The following AGBL4 variants were observed in gnomAD, a reference collection of about 807,000 sequenced individuals.
The protein encoded by AGBL4 is cytosolic carboxypeptidase 6.
In AGBL4, 58 loss-of-function variants were observed where a neutral mutation model predicts 66.4. That is an observed-to-expected ratio of 0.87 (90% CI 0.71 to 1.09). The LOEUF (loss-of-function observed/expected upper bound fraction) is 1.09, where lower values mean the gene tolerates loss of function less well. AGBL4 is among the 50% of genes least tolerant of loss of function. The pLI is 0.00. For missense variants in AGBL4, 579 were observed against 631.0 expected (o/e 0.92, Z 0.88); for synonymous variants, 234 against 222.9 (o/e 1.05, Z -0.44).
intron 3 of AGBL4, among the ~76,000 whole-genome samples, chr1:49,327,806 C>T (rs865868322): frequency 3.3e-5 from 5 of 152,134 alleles, no homozygotes; most frequent in Admixed American, 2.0e-4. Flanking sequence ...CAAACCATAG[C>T]AAGTCATTAA....
At chr1:48,547,937 T>C (rs1644191186) in intron 11 of AGBL4, among the ~76,000 whole-genome samples, 1 of 152,180 alleles carries the variant, frequency 6.6e-6, no homozygotes, top group Non-Finnish European at 1.5e-5. Context: ...TTGAGTCCTT[T>C]TTCAGTTAAC....
In AGBL4 at chr1:49,178,488, C is replaced by T. The variant is rs78822163; in HGVS notation, c.377+67282G>A. 4.9e-3 allele frequency among the ~76,000 whole-genome samples: 748 copies of T among 152,272 alleles called. 1 individual carries two copies. The highest frequency in any genetic ancestry group is 8.2e-3 in the Non-Finnish European group (555 of 68,028). ...CAGAATTCTGATCTTGTACTTACCA[C>T]GCCATATAGTAATTATGACAACTCT... On this transcript the variant is annotated intron_variant, in intron 4 of 13. Coordinates refer to ENST00000371839, the MANE Select transcript of AGBL4 (RefSeq NM_032785.4).
At chr1:50,007,809 A>G (rs1661248008) in intron 1 of AGBL4, among the ~76,000 whole-genome samples, 2 of 152,186 alleles carry the variant, frequency 1.3e-5, no homozygotes, top group Admixed American at 1.3e-4. Flanking sequence ...AAAGACACAC[A>G]TGAACTGAAA....
intron 3 of AGBL4, among the ~76,000 whole-genome samples, chr1:49,659,946 T>A (rs1238136039): frequency 1.3e-5 from 2 of 151,988 alleles, no homozygotes; most frequent in South Asian, 4.2e-4. Flanking sequence ...ATACAACAAT[T>A]AACTCAAGAC....
intron 3 of AGBL4, among the ~76,000 whole-genome samples, chr1:49,598,878 T>A (rs1447444615): frequency 6.6e-6 from 1 of 152,162 alleles, no homozygotes; most frequent in Non-Finnish European, 1.5e-5. Flanking sequence ...TTTGTCATTG[T>A]TTCTGTTTAT....
At chr1:49,831,305 C>A (rs1460060761) in intron 2 of AGBL4, among the ~76,000 whole-genome samples, 1 of 152,068 alleles carries the variant, frequency 6.6e-6, no homozygotes, top group Admixed American at 6.6e-5. Flanking sequence ...TTGTAGTTCT[C>A]CTTGAAGAGG....
At chr1:48,630,107 A>C (rs1025324801) in intron 9 of AGBL4, among the ~76,000 whole-genome samples, 1 of 152,206 alleles carries the variant, frequency 6.6e-6, no homozygotes, top group African/African-American at 2.4e-5. Flanking sequence ...GTCCACAGGC[A>C]GCTATCATGA....
intron 4 of AGBL4, 48 bp downstream of exon 4, chr1:49,245,722 G>T: frequency 1.4e-6 from 2 of 1,423,392 alleles, no homozygotes; most frequent in African/African-American, 1.4e-5. Flanking sequence ...ATGGGGTCTG[G>T]GACAAATTTT....
At chr1:48,608,405 A>G (rs1427324346) in intron 9 of AGBL4, among the ~76,000 whole-genome samples, 1 of 152,186 alleles carries the variant, frequency 6.6e-6, no homozygotes, top group Non-Finnish European at 1.5e-5. Context: ...TTTTAAAGAC[A>G]TGGGCTGTCA....
At chr1:49,108,775 CCAGAGA>C (rs946846043) in intron 4 of AGBL4, among the ~76,000 whole-genome samples, 38 of 152,190 alleles carry the variant, frequency 2.5e-4, no homozygotes, top group Admixed American at 2.3e-3. Flanking sequence ...AGGAGATAGG[CCAGAGA>C]CAGAGAAGGG....
intron 2 of AGBL4, among the ~76,000 whole-genome samples, chr1:49,820,483 G>A (rs1645341149): frequency 1.3e-5 from 2 of 152,080 alleles, no homozygotes; most frequent in Admixed American, 1.3e-4. Flanking sequence ...TCCATCAACT[G>A]TGAGATGATG....
At chr1:49,786,827 A>G (rs1644466204) in intron 2 of AGBL4, among the ~76,000 whole-genome samples, 1 of 152,164 alleles carries the variant, frequency 6.6e-6, no homozygotes. Flanking sequence ...TCTGCTTAGA[A>G]ATTTCCTCAG....
chr1:49,595,835 T>C (rs1644842186), intron 3 of AGBL4, among the ~76,000 whole-genome samples: 2 of 152,226 alleles, frequency 1.3e-5, no homozygotes, highest in Non-Finnish European at 2.9e-5. Flanking sequence ...GTCACAGTCC[T>C]AGCAGAACTA....
intron 3 of AGBL4, among the ~76,000 whole-genome samples, chr1:49,481,902 G>A (rs1335114739): frequency 6.6e-6 from 1 of 151,062 alleles, no homozygotes; most frequent in Non-Finnish European, 1.5e-5. Context: ...TTTGTCTTTA[G>A]TTCTATTTGT....
intron 2 of AGBL4, among the ~76,000 whole-genome samples, chr1:49,806,340 T>C (rs1644976494): frequency 6.6e-6 from 1 of 152,234 alleles, no homozygotes; most frequent in East Asian, 1.9e-4. Context: ...GGCTTAATTG[T>C]GTCTGTGTCC....
intron 3 of AGBL4, among the ~76,000 whole-genome samples, chr1:49,619,234 A>G (rs959860999): frequency 5.9e-5 from 9 of 152,148 alleles, no homozygotes; most frequent in Admixed American, 2.0e-4. Flanking sequence ...CGTCTCAGCC[A>G]AAAATCTTCT....
Position 49,545,554 on chromosome 1 carries a change from A to C in AGBL4, c.282+151759T>G, listed in dbSNP as rs12047785. 8.5e-3 allele frequency among the ~76,000 whole-genome samples: 1,301 copies of C among 152,296 alleles called. 9 individuals carry two copies. The highest frequency in any genetic ancestry group is 0.027 in the Middle Eastern group (8 of 292). On this transcript the variant is annotated intron_variant, in intron 3 of 13. Coordinates refer to ENST00000371839, the MANE Select transcript of AGBL4 (RefSeq NM_032785.4). Reference sequence around the variant, plus strand: ...GGTAAAATTGTTATACAAAATGAGAAAGTCTAAGTTCACATATTAGTGAGA... The same window carrying C: ...GGTAAAATTGTTATACAAAATGAGACAGTCTAAGTTCACATATTAGTGAGA...
At position 49,709,832 on chromosome 1, in the gene AGBL4, A is replaced by C. The variant is rs575239658; in HGVS notation, c.158-12395T>G. On this transcript the variant is annotated intron_variant, in intron 2 of 13. Transcript: ENST00000371839. ...GAAGACATTTATGCAGCAAACAAAC[A>C]TATGAAAAAAAGCTCATCATCAATG... Among the ~76,000 whole-genome samples, 35 of 152,356 alleles carry C rather than the reference A, an allele frequency of 2.3e-4. No individual in the cohort carries two copies. In the South Asian group the frequency reaches 5.2e-3, roughly 23 times the overall value.
intron 4 of AGBL4, among the ~76,000 whole-genome samples, chr1:49,238,352 T>C (rs1570170913): frequency 6.6e-6 from 1 of 152,238 alleles, no homozygotes; most frequent in African/African-American, 2.4e-5. Context: ...CCTGAGGCTC[T>C]GTTCATTTTT....
Sources: allele counts gnomAD v4.1 joint callset (sites outside exome capture counted in the v4.1 genomes callset), GRCh38; gene constraint gnomAD v4.1.1; transcripts MANE v1.5; gene names NCBI Gene and HGNC (gene_info 2026-07-23, HGNC 2026-07-21).